Variants in CNTLN observed in about 807,000 individuals in gnomAD.
CNTLN encodes the protein centlein, also known as centlein, centrosomal protein.
A neutral mutation model predicts 180.0 loss-of-function variants in CNTLN; 212 were observed. The observed-to-expected ratio is 1.18, with a 90% CI of 1.05 to 1.32. The LOEUF (loss-of-function observed/expected upper bound fraction) is 1.32. CNTLN is among the 40% of genes most tolerant of loss of function. The pLI is 0.00. For synonymous variants in CNTLN, 722 were observed against 563.1 expected, an observed-to-expected ratio of 1.28 and a Z score of -3.99; for missense variants, 2,095 against 1,610.9, an observed-to-expected ratio of 1.30 and a Z score of -5.14.
intron 3 of CNTLN, among the ~76,000 whole-genome samples, chr9:17,229,616 T>G (rs1007719654): frequency 2.5e-4 from 38 of 152,098 alleles, no homozygotes; most frequent in African/African-American, 8.9e-4. Flanking sequence ...TTCAACTGAT[T>G]GGATGAGGCC....
chr9:17,295,889 A>G (rs1032153326), intron 6 of CNTLN, among the ~76,000 whole-genome samples: 1 of 152,084 alleles, frequency 6.6e-6, no homozygotes, highest in Non-Finnish European at 1.5e-5. Flanking sequence ...ATGAGGTGGT[A>G]GAGAAAAATG....
intron 1 of CNTLN, among the ~76,000 whole-genome samples, chr9:17,140,024 A>G (rs573020397): frequency 9.0e-4 from 137 of 152,336 alleles, no homozygotes; most frequent in South Asian, 5.6e-3. Flanking sequence ...TTTAAAAAGA[A>G]CATCTTTAAG....
chr9:17,470,875 T>C (rs1008048623), intron 23 of CNTLN, among the ~76,000 whole-genome samples: 3 of 152,098 alleles, frequency 2.0e-5, no homozygotes, highest in African/African-American at 7.2e-5. Flanking sequence ...AGTAAGATGC[T>C]TTTGGTATAT....
chr9:17,462,515 G>A (rs1831514389), intron 19 of CNTLN, among the ~76,000 whole-genome samples: 1 of 151,792 alleles, frequency 6.6e-6, no homozygotes, highest in African/African-American at 2.4e-5. Flanking sequence ...CCTGCTTGAT[G>A]AGCAGCAAAG....
chr9:17,440,464 C>G (rs1446611293), intron 18 of CNTLN, among the ~76,000 whole-genome samples: 2 of 150,818 alleles, frequency 1.3e-5, no homozygotes, highest in Non-Finnish European at 3.0e-5. Flanking sequence ...TGGCAGGCGC[C>G]TGTAATCCCA....
intron 6 of CNTLN, among the ~76,000 whole-genome samples, chr9:17,280,037 G>C (rs1828570229): frequency 6.6e-6 from 1 of 152,150 alleles, no homozygotes; most frequent in Non-Finnish European, 1.5e-5. Context: ...GTCCTCAGCA[G>C]ATGGAACCCT....
At chr9:17,204,534 T>G (rs1190083191) in intron 2 of CNTLN, among the ~76,000 whole-genome samples, 1 of 152,132 alleles carries the variant, frequency 6.6e-6, no homozygotes, top group Non-Finnish European at 1.5e-5. Context: ...TGCCTGCTCT[T>G]TCCTCTGGAA....
At chr9:17,191,756 A>G (rs1180243832) in intron 2 of CNTLN, among the ~76,000 whole-genome samples, 2 of 152,240 alleles carry the variant, frequency 1.3e-5, no homozygotes, top group African/African-American at 2.4e-5. Context: ...GAAATAGTGA[A>G]TAAATATTGA....
chr9:17,179,243 CA>C lies in CNTLN; in HGVS notation c.449+35887del, dbSNP rs775986829. On this transcript the variant is annotated intron_variant, in intron 2 of 25. Transcript: ENST00000380647. ...TGGGCGACAGAGCGAGACTCCGTCT[CA>C]AAAAAAAAAAAAAAAAAAAGAAGAA... Among the ~76,000 whole-genome samples the C allele has an allele frequency of 1.1e-3, 66 of 62,232 alleles. 1 individual carries two copies. Among genetic ancestry groups the C allele is most frequent in the South Asian group, 6.6e-3 (13 of 1,956 alleles). 40.8% of individuals were successfully genotyped at this position (62,232 alleles called of 152,430 possible). A position where few individuals can be genotyped will look rare whatever the true frequency, so the allele number is the denominator to read the frequency against.
intron 1 of CNTLN, among the ~76,000 whole-genome samples, chr9:17,138,458 G>A (rs1817867833): frequency 6.6e-6 from 1 of 152,130 alleles, no homozygotes; most frequent in Admixed American, 6.5e-5. Flanking sequence ...GGCGATGTTG[G>A]AATTGTATGT....
intron 13 of CNTLN, among the ~76,000 whole-genome samples, chr9:17,382,476 C>A (rs1825335418): frequency 6.6e-6 from 1 of 152,002 alleles, no homozygotes; most frequent in South Asian, 2.1e-4. Flanking sequence ...CAGGTTTTCT[C>A]CAATAAAGGC....
At chr9:17,239,427 T>G (rs1358807998) in intron 5 of CNTLN, among the ~76,000 whole-genome samples, 1 of 149,458 alleles carries the variant, frequency 6.7e-6, no homozygotes, top group Non-Finnish European at 1.5e-5. Flanking sequence ...CTTTGTTACT[T>G]TTTACTCTTT....
intron 14 of CNTLN, among the ~76,000 whole-genome samples, chr9:17,389,346 C>T (rs10119863): frequency 0.82 from 123,841 of 151,652 alleles, 51,045 homozygotes; most frequent in Non-Finnish European, 0.87. Context: ...TAGCTTATCA[C>T]CGTTTTTTCA....
downstream of CNTLN, among the ~76,000 whole-genome samples, chr9:17,505,208 A>C (rs1833910403): frequency 6.6e-6 from 1 of 152,146 alleles, no homozygotes; most frequent in African/African-American, 2.4e-5. Flanking sequence ...TTAAAAGCCT[A>C]CAGCTAACAT....
At chr9:17,484,934 C>T (rs1390346702) in intron 24 of CNTLN, among the ~76,000 whole-genome samples, 7 of 152,118 alleles carry the variant, frequency 4.6e-5, no homozygotes, top group East Asian at 1.9e-4. Flanking sequence ...CACCAGTATA[C>T]GCTTTGAAAA....
intron 2 of CNTLN, among the ~76,000 whole-genome samples, chr9:17,150,777 C>A (rs767762459): frequency 6.6e-6 from 1 of 152,104 alleles, no homozygotes; most frequent in Non-Finnish European, 1.5e-5. Context: ...TCTTCCTATC[C>A]GTGAGCATGG....
the CNTLN span, among the ~76,000 whole-genome samples, chr9:17,516,201 G>T: frequency 6.6e-6 from 1 of 152,168 alleles, no homozygotes; most frequent in East Asian, 1.9e-4. Context: ...ATTTCACATT[G>T]CACTCTCTAC....
chr9:17,341,651 A>T (rs115426163), intron 11 of CNTLN, among the ~76,000 whole-genome samples: 2,381 of 152,312 alleles, frequency 0.016, 63 homozygotes, highest in African/African-American at 0.055. Flanking sequence ...TCTGTAGAGA[A>T]ATACTGTTTC....
chr9:17,475,734 A>G (rs574663324), intron 23 of CNTLN, among the ~76,000 whole-genome samples: 3 of 152,134 alleles, frequency 2.0e-5, no homozygotes, highest in Non-Finnish European at 2.9e-5. Flanking sequence ...TTAGCTGGGC[A>G]TGGTGGTGGG....
Sources: allele counts gnomAD v4.1 joint callset (sites outside exome capture counted in the v4.1 genomes callset), GRCh38; gene constraint gnomAD v4.1.1; transcripts MANE v1.5; gene names NCBI Gene and HGNC (gene_info 2026-07-23, HGNC 2026-07-21).